The following AHCTF1 variants were observed in gnomAD, a reference collection of about 807,000 sequenced individuals.
The protein encoded by AHCTF1 is protein ELYS.
A neutral mutation model predicts 248.4 loss-of-function variants in AHCTF1; 24 were observed. The observed-to-expected ratio is 0.10, with a 90% confidence interval of 0.07 to 0.14. The LOEUF (loss-of-function observed/expected upper bound fraction) is 0.14. Ranked by LOEUF, AHCTF1 falls within the 10% of genes least tolerant of loss-of-function variation. The pLI is 1.00. For synonymous variants in AHCTF1, 786 were observed against 929.8 expected, an observed-to-expected ratio of 0.85 and a Z score of 2.81; for missense variants, 2,206 against 2,636.2, an observed-to-expected ratio of 0.84 and a Z score of 3.57.
At chr1:246,869,846 A>G (rs1320304430) in intron 24 of AHCTF1, among the ~76,000 whole-genome samples, 1 of 152,216 alleles carries the variant, frequency 6.6e-6, no homozygotes, top group Non-Finnish European at 1.5e-5. Flanking sequence ...GTAACCCTGG[A>G]TCACAGTAAT....
chr1:246,844,598 C>T (rs770650995), intron 33 of AHCTF1, among the ~76,000 whole-genome samples: 23 of 152,074 alleles, frequency 1.5e-4, no homozygotes, highest in Non-Finnish European at 3.2e-4. Flanking sequence ...GTGGTGCACG[C>T]CTGTGGTGTC....
At chr1:246,843,698 AATC>A (rs1307788548) in intron 34 of AHCTF1, 94 bp downstream of exon 34, 21 of 973,854 alleles carry the variant, frequency 2.2e-5, no homozygotes, top group Non-Finnish European at 2.8e-5. Flanking sequence ...CAAAATTTAA[AATC>A]ATTAAAATTT....
intron 2 of AHCTF1, among the ~76,000 whole-genome samples, chr1:246,917,479 C>T (rs1306608043): frequency 6.6e-6 from 1 of 152,160 alleles, no homozygotes; most frequent in Non-Finnish European, 1.5e-5. Context: ...ATCCTTTCTG[C>T]CACTTACCTG....
Position 246,840,066 on chromosome 1 carries a change from CAG to C in AHCTF1, c.*738_*739del, listed in dbSNP as rs1451982605. The C allele has an allele frequency of 1.3e-5, 2 of 152,586 alleles. No homozygotes were observed. The highest frequency in any genetic ancestry group is 4.8e-5 in the African/African-American group (2 of 41,450). 9.5% of individuals were successfully genotyped at this position (152,586 alleles called of 1,614,324 possible). On this transcript the variant is annotated 3_prime_UTR_variant, in exon 36 of 36. Coordinates refer to ENST00000648844, the MANE Select transcript of AHCTF1 (RefSeq NM_001323342.2). ...ACAAGATGCACTCAATATCCATAAA[CAG>C]ATTTATTTTACATTTCCCTTTGTCA...
intron 24 of AHCTF1, among the ~76,000 whole-genome samples, chr1:246,868,654 G>A (rs1662224410): frequency 1.3e-5 from 2 of 150,542 alleles, no homozygotes; most frequent in South Asian, 4.2e-4. Flanking sequence ...TTTTCTAGAA[G>A]TTGGACATGT....
At chr1:246,859,973 A>G (rs559712478) in intron 29 of AHCTF1, among the ~76,000 whole-genome samples, 11 of 152,286 alleles carry the variant, frequency 7.2e-5, no homozygotes, top group African/African-American at 2.6e-4. Context: ...AAAAATTGCA[A>G]TAATTTGGCA....
Position 246,907,755 on chromosome 1 carries a change from A to C in AHCTF1, c.560T>G (p.Leu187Arg). 1 of 1,611,766 alleles carries C rather than the reference A, an allele frequency of 6.2e-7. No individual in the cohort carries two copies. Among genetic ancestry groups the C allele is most frequent in the Non-Finnish European group, 8.5e-7 (1 of 1,179,332 alleles). Reference protein sequence around the residue: ...CNQNEVEASDLEVLTGIPAEV... With the variant: ...CNQNEVEASDREVLTGIPAEV... ...AGCTGGGATACCAGTTAGAACTTCA[A>C]GATCTAAAACCACAAATTAGACAAA... The change falls in exon 5 of 36, where the codon CTT becomes CGT. Residue 187 changes from leucine (L) to arginine (R), a missense_variant. By Grantham distance (102) the Leu-to-Arg change is moderately radical. Transcript: ENST00000648844.
intron 12 of AHCTF1, 51 bp downstream of exon 12, chr1:246,898,157 C>CTAA: frequency 6.2e-7 from 1 of 1,605,444 alleles, no homozygotes; most frequent in Admixed American, 1.7e-5. Context: ...TAATAGAAAG[C>CTAA]TAATAACGTG....
At chr1:246,893,508 T>TACTA (rs1664359595) in intron 14 of AHCTF1, among the ~76,000 whole-genome samples, 1 of 152,244 alleles carries the variant, frequency 6.6e-6, no homozygotes. Context: ...ACTGTATCCC[T>TACTA]ACTAGTACTT....
chr1:246,843,681 T>G, intron 34 of AHCTF1, 114 bp downstream of exon 34: 1 of 910,808 alleles, frequency 1.1e-6, no homozygotes, highest in Middle Eastern at 4.6e-4. Flanking sequence ...TTTATTTAAA[T>G]AATAAACAAA....
chr1:246,853,085 T>C lies in AHCTF1; in HGVS notation c.4563+6A>G. ...GATAAAGAAGTAAAAAATTAATTTT[T>C]TTTACATGAATTTCTTGAGTATCAG... On this transcript the variant is annotated splice_donor_region_variant and intron_variant, in intron 32 of 35. Transcript: ENST00000648844. The C allele has an allele frequency of 6.2e-7, 1 of 1,602,920 alleles. No homozygotes were observed. The highest frequency in any genetic ancestry group is 8.5e-7 in the Non-Finnish European group (1 of 1,175,628).
intron 2 of AHCTF1, among the ~76,000 whole-genome samples, chr1:246,917,790 T>C (rs1427786375): frequency 1.3e-5 from 2 of 152,254 alleles, no homozygotes; most frequent in African/African-American, 2.4e-5. Context: ...GGTTCTCTGA[T>C]GTATTACACA....
intron 33 of AHCTF1, among the ~76,000 whole-genome samples, chr1:246,846,114 A>C (rs1660241408): frequency 6.8e-6 from 1 of 147,724 alleles, no homozygotes; most frequent in Admixed American, 6.9e-5. Flanking sequence ...GTATGGCCTT[A>C]GGTATATAGC....
chr1:246,868,992 C>G (rs549855644), intron 24 of AHCTF1, among the ~76,000 whole-genome samples: 5 of 150,200 alleles, frequency 3.3e-5, no homozygotes, highest in South Asian at 4.2e-4. Flanking sequence ...CTACAGGCGC[C>G]CGCCACCATG....
At chr1:246,859,753 T>C (rs745387102) in intron 29 of AHCTF1, among the ~76,000 whole-genome samples, 4 of 152,100 alleles carry the variant, frequency 2.6e-5, no homozygotes, top group Non-Finnish European at 4.4e-5. Flanking sequence ...TTTTTTTATA[T>C]TTTTTGTAGA....
intron 30 of AHCTF1, 23 bp from the exon 31 acceptor site, chr1:246,855,850 C>T: frequency 1.3e-6 from 2 of 1,561,384 alleles, no homozygotes; most frequent in Non-Finnish European, 1.8e-6. Flanking sequence ...AAATACATAC[C>T]TTAGTGTGTA....
At chr1:246,841,270 A>C (rs966963364) in intron 35 of AHCTF1, among the ~76,000 whole-genome samples, 1 of 152,150 alleles carries the variant, frequency 6.6e-6, no homozygotes, top group African/African-American at 2.4e-5. Context: ...AAATGTTTCA[A>C]ATGTATGAAA....
chr1:246,854,348 A>G (rs553286912), intron 31 of AHCTF1, among the ~76,000 whole-genome samples: 4 of 152,070 alleles, frequency 2.6e-5, no homozygotes, highest in Non-Finnish European at 2.9e-5. Flanking sequence ...CAACAAGTCC[A>G]TGGTTAGGAA....
At chr1:246,911,116 CCA>C (rs1212591375) in intron 4 of AHCTF1, among the ~76,000 whole-genome samples, 2 of 152,168 alleles carry the variant, frequency 1.3e-5, no homozygotes, top group African/African-American at 4.8e-5. Flanking sequence ...TGATCACAAT[CCA>C]GAGACTTTCG....
Sources: allele counts gnomAD v4.1 joint callset (sites outside exome capture counted in the v4.1 genomes callset), GRCh38; gene constraint gnomAD v4.1.1; transcripts MANE v1.5; gene names NCBI Gene and HGNC (gene_info 2026-07-23, HGNC 2026-07-21).